ADAMTS19: variants seen among roughly 807,000 people sequenced by gnomAD.
ADAMTS19 encodes A disintegrin and metalloproteinase with thrombospondin motifs 19.
A neutral mutation model predicts 153.3 loss-of-function variants in ADAMTS19; 93 were observed. The observed-to-expected ratio is 0.61, with a 90% CI of 0.51 to 0.72. ADAMTS19 has a LOEUF of 0.72. ADAMTS19 is among the 30% of genes least tolerant of loss of function. The probability of loss-of-function intolerance (pLI) is 0.00; values close to 1 mark genes in which losing one functional copy is unlikely to be tolerated. For missense variants in ADAMTS19, 1,482 were observed against 1,552.1 expected (o/e 0.95, Z 0.76); for synonymous variants, 600 against 556.6 (o/e 1.08, Z -1.10).
chr5:129,613,605 C>T (rs530264801), intron 8 of ADAMTS19, among the ~76,000 whole-genome samples: 1 of 152,142 alleles, frequency 6.6e-6, no homozygotes. Context: ...AATTGACACC[C>T]TAACATCACA....
At chr5:129,523,700 C>T (rs1465623202) in intron 3 of ADAMTS19, among the ~76,000 whole-genome samples, 1 of 152,006 alleles carries the variant, frequency 6.6e-6, no homozygotes, top group Non-Finnish European at 1.5e-5. Context: ...TGAACATAAC[C>T]AATAACTACC....
rs1753451674 is a variant in ADAMTS19 at position 129,654,414 on chromosome 5, G to A, written c.2285G>A (p.Cys762Tyr). The change falls in exon 14 of 23, where the codon TGT (cysteine) becomes TAT (tyrosine). Residue 762 changes from cysteine (C) to tyrosine (Y), a missense_variant. Physicochemically the swap from Cys to Tyr is radical, Grantham distance 194. Around this residue, in one of 2 missense-constraint regions of ADAMTS19, gnomAD observed 616 missense variants for 724.4 expected, o/e 0.85. Coordinates refer to ENST00000274487, the MANE Select transcript of ADAMTS19 (RefSeq NM_133638.6). Reference sequence around the variant, plus strand: ...TGTGGCTATCAGGGATTAGATATCTGTGCAAATGGCAGGTGCCAGGTAAGA... The same window carrying A: ...TGTGGCTATCAGGGATTAGATATCTATGCAAATGGCAGGTGCCAGGTAAGA... ...TSCGYQGLDI[C>Y]ANGRCQKVGC... is the part of the protein sequence containing the mutation. 1 of 1,610,344 alleles carries A rather than the reference G, an allele frequency of 6.2e-7. No individual in the cohort carries two copies. Among genetic ancestry groups the A allele is most frequent in the Non-Finnish European group, 8.5e-7 (1 of 1,179,184 alleles).
chr5:129,704,245 G>C lies in ADAMTS19; in HGVS notation c.3166G>C (p.Val1056Leu). ...CTCTGATGTTATCTTCCAGTGTTCA[G>C]TCAAGTGTGGCAAAGGCATACGTCA... is the stretch of plus-strand genomic sequence containing the variant. The part of the protein sequence containing the change: ...WEAGVWSECS[V>L]KCGKGIRHRT... Residue 1056 changes from valine (V) to leucine (L), a missense_variant, in exon 21 of 23, where the codon GTC (valine) becomes CTC (leucine). By Grantham distance (32) the Val-to-Leu change is conservative. Around this residue, in one of 2 missense-constraint regions of ADAMTS19, gnomAD observed 616 missense variants for 724.4 expected, o/e 0.85. Coordinates refer to ENST00000274487, the MANE Select transcript of ADAMTS19 (RefSeq NM_133638.6). 6.2e-7 allele frequency: 1 copy of C among 1,612,930 alleles called. No individual in the cohort carries two copies. The highest frequency in any genetic ancestry group is 8.5e-7 in the Non-Finnish European group (1 of 1,179,530).
In ADAMTS19 at chr5:129,702,942, ATATATATAT is replaced by A. The variant is rs1174353211; in HGVS notation, c.3160-1296_3160-1288del. 7.4e-3 allele frequency among the ~76,000 whole-genome samples: 148 copies of A among 19,884 alleles called. 5 individuals are homozygous for A. Among genetic ancestry groups the A allele is most frequent in the African/African-American group, 0.014 (136 of 9,712 alleles). The allele number at this position is 19,884 out of a possible 152,430, so 13.0% of individuals were successfully genotyped here. ...AGTTTGACTTGCCAAAAAAAAAAAA[ATATATATAT>A]ATATATATATATATATATATACAAA... On this transcript the variant is annotated intron_variant, in intron 20 of 22. Transcript: ENST00000274487.
At chr5:129,632,015 C>A (rs570652579) in intron 10 of ADAMTS19, among the ~76,000 whole-genome samples, 1 of 152,070 alleles carries the variant, frequency 6.6e-6, no homozygotes, top group East Asian at 1.9e-4. Context: ...GAGGCCTGAT[C>A]TGGGTCTAGG....
chr5:129,628,340 A>G (rs1752145827), intron 10 of ADAMTS19, among the ~76,000 whole-genome samples: 1 of 151,834 alleles, frequency 6.6e-6, no homozygotes, highest in Non-Finnish European at 1.5e-5. Context: ...TCAGAAAAAA[A>G]TAACTATTGA....
intron 2 of ADAMTS19, among the ~76,000 whole-genome samples, chr5:129,492,520 T>A (rs1750800802): frequency 6.6e-6 from 1 of 151,844 alleles, no homozygotes; most frequent in Non-Finnish European, 1.5e-5. Context: ...TGTGTGTGTG[T>A]GTGTGTGTGT....
chr5:129,647,919 G>A (rs1366703566), intron 12 of ADAMTS19, 24 bp downstream of exon 12: 5 of 1,594,242 alleles, frequency 3.1e-6, no homozygotes, highest in African/African-American at 1.3e-5. Flanking sequence ...TCCTGGTTGG[G>A]GGAGGGCACT....
At position 129,526,368 on chromosome 5, in the gene ADAMTS19, T is replaced by C. The variant is rs758023578; in HGVS notation, c.998T>C (p.Ile333Thr). The C allele has an allele frequency of 7.5e-6, 12 of 1,604,694 alleles. No homozygotes were observed. Among genetic ancestry groups the C allele is most frequent in the Non-Finnish European group, 1.0e-5 (12 of 1,176,148 alleles). ...YSYKLPQEYN[I>T]ETVVVADPAM... ...TACAAATTACCTCAAGAATACAACA[T>C]AGAGACTGTAGTGGTTGCAGACCCA... The change falls in exon 4 of 23, where the codon ATA becomes ACA. Residue 333 changes from isoleucine to threonine, a missense_variant. Ile to Thr is a moderately conservative substitution (Grantham distance 89). Around this residue, in one of 2 missense-constraint regions of ADAMTS19, gnomAD observed 866 missense variants for 827.7 expected, o/e 1.05. Coordinates refer to ENST00000274487, the MANE Select transcript of ADAMTS19 (RefSeq NM_133638.6).
At chr5:129,499,034 A>G (rs575746370) in intron 2 of ADAMTS19, among the ~76,000 whole-genome samples, 23 of 152,144 alleles carry the variant, frequency 1.5e-4, no homozygotes, top group African/African-American at 4.8e-4. Flanking sequence ...TGAACATTAA[A>G]TAATCATCAG....
chr5:129,715,487 G>A (rs1756682710), intron 21 of ADAMTS19, among the ~76,000 whole-genome samples: 1 of 152,202 alleles, frequency 6.6e-6, no homozygotes, highest in African/African-American at 2.4e-5. Flanking sequence ...CACATACACA[G>A]TAACTATGTA....
intron 2 of ADAMTS19, among the ~76,000 whole-genome samples, chr5:129,486,543 A>T (rs1438223730): frequency 6.6e-6 from 1 of 152,172 alleles, no homozygotes; most frequent in Non-Finnish European, 1.5e-5. Flanking sequence ...GCAGTCATTT[A>T]TGATCAAAAC....
chr5:129,460,726 T>C, intron 1 of ADAMTS19: 3 of 585,190 alleles, frequency 5.1e-6, no homozygotes, highest in South Asian at 4.1e-5. Context: ...TTTGCAAAGG[T>C]ACGTTTACAG....
chr5:129,702,971 T>TAC (rs1554108058), intron 20 of ADAMTS19, among the ~76,000 whole-genome samples: 1 of 129,784 alleles, frequency 7.7e-6, no homozygotes, highest in Non-Finnish European at 1.6e-5. Context: ...TATATATATA[T>TAC]ACAAATACAT....
chr5:129,584,432 A>T (rs973945308), intron 7 of ADAMTS19, among the ~76,000 whole-genome samples: 1 of 152,190 alleles, frequency 6.6e-6, no homozygotes, highest in Non-Finnish European at 1.5e-5. Context: ...CTGTGCTGGG[A>T]GATCTGCTGC....
At chr5:129,733,065 A>G (rs1184677540) in intron 21 of ADAMTS19, among the ~76,000 whole-genome samples, 1 of 151,958 alleles carries the variant, frequency 6.6e-6, no homozygotes, top group Non-Finnish European at 1.5e-5. Flanking sequence ...GGAAAGGACA[A>G]CCCTATTCAA....
intron 6 of ADAMTS19, among the ~76,000 whole-genome samples, chr5:129,536,735 A>T (rs186217544): frequency 0.049 from 7,440 of 152,308 alleles, 244 homozygotes; most frequent in African/African-American, 0.088. Context: ...GCAGCCATAA[A>T]AAATGAAGAG....
chr5:129,678,409 A>G (rs1030848436), intron 16 of ADAMTS19, among the ~76,000 whole-genome samples: 1 of 152,090 alleles, frequency 6.6e-6, no homozygotes, highest in African/African-American at 2.4e-5. Context: ...TCAGTTGCCT[A>G]CGTAACTTGT....
intron 6 of ADAMTS19, among the ~76,000 whole-genome samples, chr5:129,535,690 T>C (rs938264456): frequency 4.9e-4 from 74 of 152,090 alleles, no homozygotes; most frequent in Non-Finnish European, 9.1e-4. Flanking sequence ...ACCAAAACAG[T>C]ATGGTACTGG....
Sources: allele counts gnomAD v4.1 joint callset (sites outside exome capture counted in the v4.1 genomes callset), GRCh38; gene constraint gnomAD v4.1.1; regional missense constraint gnomAD v4.1.1; transcripts MANE v1.5; gene names NCBI Gene and HGNC (gene_info 2026-07-23, HGNC 2026-07-21).